Variants in SCFD2 observed in about 807,000 individuals in gnomAD.
SCFD2 encodes sec1 family domain-containing protein 2.
SCFD2 carries 54 observed loss-of-function variants against 58.9 expected under a neutral mutation model. That is an observed-to-expected ratio of 0.92 (90% CI 0.74 to 1.15). The LOEUF (loss-of-function observed/expected upper bound fraction) is 1.15. Among genes scored for constraint, SCFD2 ranks in the 50% most tolerant of loss-of-function variants. The pLI, the probability that SCFD2 is intolerant of heterozygous loss-of-function variation, is 0.00. For missense variants in SCFD2, 805 were observed against 836.6 expected (o/e 0.96, Z 0.47); for synonymous variants, 321 against 335.9 (o/e 0.96, Z 0.49).
chr4:53,356,882 G>A (rs1251999876), intron 1 of SCFD2, among the ~76,000 whole-genome samples: 18 of 151,938 alleles, frequency 1.2e-4, no homozygotes, highest in South Asian at 4.2e-4. Context: ...GACTACAGGC[G>A]CCTGCCACCA....
chr4:53,023,186 T>C (rs1722391102), intron 5 of SCFD2, among the ~76,000 whole-genome samples: 1 of 152,140 alleles, frequency 6.6e-6, no homozygotes, highest in South Asian at 2.1e-4. Flanking sequence ...TCCTGTGATA[T>C]TACATTTAAT....
chr4:53,322,523 A>G (rs1733057071), intron 2 of SCFD2, among the ~76,000 whole-genome samples: 1 of 152,206 alleles, frequency 6.6e-6, no homozygotes, highest in Non-Finnish European at 1.5e-5. Context: ...CAGTATAAAC[A>G]TTTTTTATTC....
At chr4:52,938,882 T>A (rs946417256) in intron 5 of SCFD2, among the ~76,000 whole-genome samples, 4 of 152,214 alleles carry the variant, frequency 2.6e-5, no homozygotes, top group African/African-American at 7.2e-5. Context: ...CCGTGTGTGG[T>A]AGGATTTTAC....
chr4:53,257,851 G>A (rs1315778179), intron 4 of SCFD2, among the ~76,000 whole-genome samples: 1 of 151,466 alleles, frequency 6.6e-6, no homozygotes, highest in African/African-American at 2.4e-5. Context: ...AATCTTTTCT[G>A]CATTATGCAT....
intron 5 of SCFD2, among the ~76,000 whole-genome samples, chr4:53,103,496 A>C (rs73250933): frequency 0.037 from 5,529 of 150,820 alleles, 117 homozygotes; most frequent in African/African-American, 0.063. Context: ...TGGATATAGA[A>C]TGTTTCATAA....
chr4:52,882,468 T>C (rs1334638847), intron 8 of SCFD2, among the ~76,000 whole-genome samples: 1 of 152,194 alleles, frequency 6.6e-6, no homozygotes, highest in Non-Finnish European at 1.5e-5. Flanking sequence ...GTATTGTTCC[T>C]GGGTATGTCT....
chr4:53,128,420 G>T (rs1308738193), intron 5 of SCFD2, among the ~76,000 whole-genome samples: 3 of 152,106 alleles, frequency 2.0e-5, no homozygotes, highest in Admixed American at 6.6e-5. Flanking sequence ...TTAAAGGCAT[G>T]TACTCATCTC....
chr4:52,992,840 C>T (rs910189219), intron 5 of SCFD2, among the ~76,000 whole-genome samples: 6 of 151,740 alleles, frequency 4.0e-5, no homozygotes, highest in Non-Finnish European at 8.8e-5. Context: ...GCCCGGCTGC[C>T]CCGTCTGGGA....
At chr4:52,920,108 C>T (rs1409196118) in intron 6 of SCFD2, among the ~76,000 whole-genome samples, 1 of 152,146 alleles carries the variant, frequency 6.6e-6, no homozygotes, top group Non-Finnish European at 1.5e-5. Flanking sequence ...TTTCTTTATT[C>T]CTTAAGCTTC....
chr4:53,197,204 G>A (rs1728084434), intron 4 of SCFD2, among the ~76,000 whole-genome samples: 1 of 152,024 alleles, frequency 6.6e-6, no homozygotes, highest in African/African-American at 2.4e-5. Context: ...AGAAACAAAA[G>A]TATGTATTAT....
Position 53,204,109 on chromosome 4 carries a change from G to A in SCFD2, c.1312-58527C>T, listed in dbSNP as rs971556169. Among the ~76,000 whole-genome samples the A allele has an allele frequency of 1.4e-4, 22 of 151,968 alleles. 1 individual carries two copies. The highest frequency in any genetic ancestry group is 4.6e-4 in the Admixed American group (7 of 15,224). On this transcript the variant is annotated intron_variant, in intron 4 of 8. Coordinates refer to ENST00000401642, the MANE Select transcript of SCFD2 (RefSeq NM_152540.4). Reference sequence around the variant, plus strand: ...AGAAAGATCTAATACTGATTCTGATGGCTCTCCAACAAACCTCATTCTATA... The same window carrying A: ...AGAAAGATCTAATACTGATTCTGATAGCTCTCCAACAAACCTCATTCTATA...
chr4:53,199,553 G>A (rs1277748200), intron 4 of SCFD2, among the ~76,000 whole-genome samples: 1 of 151,942 alleles, frequency 6.6e-6, no homozygotes, highest in African/African-American at 2.4e-5. Flanking sequence ...GGTAACTTAG[G>A]GTAGGATCCC....
intron 5 of SCFD2, among the ~76,000 whole-genome samples, chr4:52,976,616 A>G (rs766384332): frequency 6.6e-6 from 1 of 152,078 alleles, no homozygotes; most frequent in Non-Finnish European, 1.5e-5. Context: ...ATGCCAGCCG[A>G]CCCTGACACT....
chr4:53,163,604 A>G (rs1349222511), intron 4 of SCFD2, among the ~76,000 whole-genome samples: 2 of 152,130 alleles, frequency 1.3e-5, no homozygotes, highest in Non-Finnish European at 2.9e-5. Flanking sequence ...ATGATGGCAG[A>G]CACCTGTAAT....
intron 1 of SCFD2, among the ~76,000 whole-genome samples, chr4:53,362,639 GACA>G (rs990785071): frequency 5.3e-5 from 8 of 149,856 alleles, no homozygotes; most frequent in Non-Finnish European, 1.0e-4. Flanking sequence ...TGTTTGTGGA[GACA>G]ACAAGTATAG....
intron 2 of SCFD2, among the ~76,000 whole-genome samples, chr4:53,338,005 A>G (rs950501789): frequency 6.6e-6 from 1 of 152,246 alleles, no homozygotes; most frequent in African/African-American, 2.4e-5. Context: ...ATGTGAAAAC[A>G]GAAGTTCAGA....
At chr4:53,214,649 T>C (rs1412255050) in intron 4 of SCFD2, among the ~76,000 whole-genome samples, 1 of 152,178 alleles carries the variant, frequency 6.6e-6, no homozygotes, top group Non-Finnish European at 1.5e-5. Context: ...AGAAGCTCTT[T>C]AGTTTAATTA....
chr4:53,127,405 T>G (rs1725658530), intron 5 of SCFD2, among the ~76,000 whole-genome samples: 2 of 152,210 alleles, frequency 1.3e-5, no homozygotes, highest in Admixed American at 1.3e-4. Flanking sequence ...GTCTTCTATG[T>G]GCGCACCCCC....
intron 3 of SCFD2, among the ~76,000 whole-genome samples, chr4:53,304,803 C>T (rs1016556414): frequency 6.6e-6 from 1 of 151,900 alleles, no homozygotes; most frequent in South Asian, 2.1e-4. Flanking sequence ...TTGTTATTAC[C>T]CACCTTCTGA....
Sources: gnomAD v4.1 joint callset for allele counts (sites outside exome capture counted in the v4.1 genomes callset) on GRCh38, gnomAD v4.1.1 for gene constraint, MANE v1.5 for transcripts, NCBI Gene and HGNC (gene_info 2026-07-23, HGNC 2026-07-21) for gene names.